The following HHAT variants were observed in gnomAD, a reference collection of about 807,000 sequenced individuals.
HHAT encodes protein-cysteine N-palmitoyltransferase HHAT.
Under a neutral mutation model 70.8 loss-of-function variants are expected in HHAT, and 47 were observed. The ratio of observed to expected loss-of-function variants is 0.66; its 90% CI spans 0.53 to 0.85. The LOEUF (loss-of-function observed/expected upper bound fraction) is 0.85, where lower values mean the gene tolerates loss of function less well. Ranked by LOEUF, HHAT falls within the 40% of genes least tolerant of loss-of-function variation. HHAT has a pLI of 0.00. For synonymous variants in HHAT, 228 were observed against 247.6 expected (o/e 0.92, Z 0.74); for missense variants, 609 against 604.8 (o/e 1.01, Z -0.07).
At chr1:210,638,825 A>G (rs1672432272) in intron 11 of HHAT, among the ~76,000 whole-genome samples, 1 of 151,358 alleles carries the variant, frequency 6.6e-6, no homozygotes, top group South Asian at 2.1e-4. Flanking sequence ...GGATTGCTTG[A>G]GCCCGGGAGG....
chr1:210,376,014 A>ATTTTTTTTTT (rs57707354), intron 3 of HHAT, among the ~76,000 whole-genome samples: 28 of 108,904 alleles, frequency 2.6e-4, no homozygotes, highest in Non-Finnish European at 2.8e-4. Flanking sequence ...TGCACAGCTA[A>ATTTTTTTTTT]TTTTTTTTTT....
At chr1:210,482,310 T>C (rs2094409369) in intron 8 of HHAT, among the ~76,000 whole-genome samples, 1 of 152,202 alleles carries the variant, frequency 6.6e-6, no homozygotes. Flanking sequence ...CAAGGAGAGT[T>C]AAACTGTGGG....
intron 8 of HHAT, among the ~76,000 whole-genome samples, chr1:210,498,319 T>C (rs1022288533): frequency 1.3e-5 from 2 of 152,238 alleles, no homozygotes; most frequent in African/African-American, 4.8e-5. Context: ...ACTTAAAAAT[T>C]TAAATGTTGA....
intron 8 of HHAT, among the ~76,000 whole-genome samples, chr1:210,488,868 A>T (rs1432663011): frequency 6.6e-6 from 1 of 152,178 alleles, no homozygotes; most frequent in East Asian, 1.9e-4. Context: ...TCCAGCCTGG[A>T]CAACAGAGTG....
At chr1:210,489,268 C>T (rs1034748445) in intron 8 of HHAT, among the ~76,000 whole-genome samples, 3 of 152,048 alleles carry the variant, frequency 2.0e-5, no homozygotes, top group Non-Finnish European at 4.4e-5. Context: ...CAGCTAGTAG[C>T]GGGCGGGGAT....
intron 5 of HHAT, among the ~76,000 whole-genome samples, chr1:210,403,223 G>A (rs902622764): frequency 2.6e-5 from 4 of 152,124 alleles, no homozygotes; most frequent in African/African-American, 4.8e-5. Context: ...TAATCACTCC[G>A]TTTTAATGAA....
chr1:210,640,665 G>C (rs1007890501), intron 11 of HHAT, among the ~76,000 whole-genome samples: 3 of 145,334 alleles, frequency 2.1e-5, no homozygotes, highest in Non-Finnish European at 3.0e-5. Context: ...CCCGCACTCC[G>C]CCCCCCACTG....
intron 8 of HHAT, among the ~76,000 whole-genome samples, chr1:210,490,478 G>C (rs1331521327): frequency 6.6e-6 from 1 of 152,138 alleles, no homozygotes; most frequent in Non-Finnish European, 1.5e-5. Flanking sequence ...GAATTCTCTA[G>C]GGGAGAGGGA....
chr1:210,672,701 A>T (rs1351558852), intron 11 of HHAT, among the ~76,000 whole-genome samples: 1 of 152,232 alleles, frequency 6.6e-6, no homozygotes. Flanking sequence ...TGCAGAAGAC[A>T]TGAAGATTGT....
intron 8 of HHAT, among the ~76,000 whole-genome samples, chr1:210,479,977 T>C (rs1482852069): frequency 2.6e-5 from 4 of 152,224 alleles, no homozygotes; most frequent in Non-Finnish European, 5.9e-5. Flanking sequence ...CCTTAGTTTC[T>C]CTACCTGTTA....
chr1:210,527,699 T>A (rs2095267589), intron 9 of HHAT, among the ~76,000 whole-genome samples: 1 of 152,218 alleles, frequency 6.6e-6, no homozygotes, highest in African/African-American at 2.4e-5. Flanking sequence ...TCTACTGCAA[T>A]TTCCTTTGAG....
rs1421536307 is a variant in HHAT, at chr1:210,623,397, TTAAA to T, written c.1246-125_1246-122del. ...CAGGAATTGAAGTTTTGAGAGCTGTTTAAATAATGACCTGGTTTGGGCTCTGTGG... is the reference window on the plus strand; with the variant it reads ...CAGGAATTGAAGTTTTGAGAGCTGTTTAATGACCTGGTTTGGGCTCTGTGG... On this transcript the variant is annotated intron_variant, in intron 10 of 11. Coordinates refer to ENST00000261458, the MANE Select transcript of HHAT (RefSeq NM_018194.6). 4.1e-5 allele frequency: 42 copies of T among 1,015,520 alleles called. No individual in the cohort carries two copies. The African/African-American group carries it at 6.1e-4, about 15-fold the overall frequency. 62.9% of individuals were successfully genotyped at this position (1,015,520 alleles called of 1,614,324 possible).
At chr1:210,447,121 C>T (rs2093651241) in intron 7 of HHAT, among the ~76,000 whole-genome samples, 1 of 152,256 alleles carries the variant, frequency 6.6e-6, no homozygotes, top group South Asian at 2.1e-4. Flanking sequence ...AGTCTTAACC[C>T]CATATCCACT....
chr1:210,553,680 C>A (rs1184381113), intron 9 of HHAT, among the ~76,000 whole-genome samples: 2 of 152,194 alleles, frequency 1.3e-5, no homozygotes, highest in African/African-American at 4.8e-5. Context: ...GCTTAGACCC[C>A]TGCAGTGTGA....
intron 9 of HHAT, among the ~76,000 whole-genome samples, chr1:210,539,543 G>A (rs192466427): frequency 2.0e-4 from 30 of 152,320 alleles, no homozygotes; most frequent in African/African-American, 7.0e-4. Flanking sequence ...ACAGGGATGA[G>A]GTGGGCCAGC....
At chr1:210,480,030 T>G (rs2050187) in intron 8 of HHAT, among the ~76,000 whole-genome samples, 1 of 152,122 alleles carries the variant, frequency 6.6e-6, no homozygotes, top group East Asian at 1.9e-4. Flanking sequence ...GGTGAGAATT[T>G]AATCTTTCTG....
At chr1:210,398,069 G>A (rs2091890011) in intron 4 of HHAT, among the ~76,000 whole-genome samples, 3 of 152,224 alleles carry the variant, frequency 2.0e-5, no homozygotes, top group South Asian at 2.1e-4. Flanking sequence ...CGCGATCTTG[G>A]CTCACTGTAA....
intron 9 of HHAT, among the ~76,000 whole-genome samples, chr1:210,521,856 T>C (rs538331075): frequency 6.6e-6 from 1 of 152,302 alleles, no homozygotes; most frequent in South Asian, 2.1e-4. Flanking sequence ...AGGTGCACAT[T>C]TGATCCTGGA....
intron 10 of HHAT, among the ~76,000 whole-genome samples, chr1:210,619,410 G>A (rs560990236): frequency 1.3e-5 from 2 of 152,228 alleles, no homozygotes; most frequent in South Asian, 2.1e-4. Context: ...ACACATGGTG[G>A]GCAGGATAGG....
Sources: gnomAD v4.1 joint callset for allele counts (sites outside exome capture counted in the v4.1 genomes callset) on GRCh38, gnomAD v4.1.1 for gene constraint, MANE v1.5 for transcripts, NCBI Gene and HGNC (gene_info 2026-07-23, HGNC 2026-07-21) for gene names.